Variants in BTG4 observed in about 807,000 individuals in gnomAD.
The protein encoded by BTG4 is protein BTG4.
In BTG4, 10 loss-of-function variants were observed where a neutral mutation model predicts 19.3. The ratio of observed to expected loss-of-function variants is 0.52; its 90% CI spans 0.32 to 0.88. The LOEUF (loss-of-function observed/expected upper bound fraction) is 0.88, where lower values mean the gene tolerates loss of function less well. BTG4 is among the 40% of genes least tolerant of loss of function. The probability of loss-of-function intolerance (pLI) is 0.04; values close to 1 mark genes in which losing one functional copy is unlikely to be tolerated. For missense variants in BTG4, 238 were observed against 281.9 expected, an observed-to-expected ratio of 0.84 and a Z score of 1.11; for synonymous variants, 91 against 95.7, an observed-to-expected ratio of 0.95 and a Z score of 0.29.
chr11:111,425,647 G>A, the BTG4 span, among the ~76,000 whole-genome samples: 1 of 152,142 alleles, frequency 6.6e-6, no homozygotes, highest in African/African-American at 2.4e-5. Flanking sequence ...CAGAGCAGTA[G>A]GTAGGAAGAA....
At chr11:111,459,801 G>A in the BTG4 span, 1 of 152,686 alleles carries the variant, frequency 6.5e-6, no homozygotes, top group Non-Finnish European at 1.5e-5. Context: ...AGGTAGGAGA[G>A]AACTTTGGAC....
rs182477208 is a variant in BTG4, at chr11:111,497,433, T to G, written c.312-24A>C. On this transcript the variant is annotated intron_variant, in intron 3 of 4. Coordinates refer to ENST00000692032, the MANE Select transcript of BTG4 (RefSeq NM_001367975.1). ...ACCTAAGTAGGAAAAGAAATTTAAG[T>G]GCTAATTAGCGATTCAACTTTCTAC... The G allele has an allele frequency of 1.2e-4, 159 of 1,355,662 alleles. 1 individual carries two copies. The African/African-American group carries it at 2.1e-3, about 18-fold the overall frequency. 84.0% of individuals were successfully genotyped at this position (1,355,662 alleles called of 1,614,324 possible).
the BTG4 span, among the ~76,000 whole-genome samples, chr11:111,428,939 G>A: frequency 4.6e-5 from 7 of 152,308 alleles, no homozygotes; most frequent in African/African-American, 2.4e-5. Context: ...GCAATCACCC[G>A]TAATATTTAC....
At chr11:111,404,799 T>A in the BTG4 span, 1 of 386,496 alleles carries the variant, frequency 2.6e-6, no homozygotes, top group Non-Finnish European at 5.1e-6. Context: ...AGGAACTGAA[T>A]GGTATACAAT....
chr11:111,437,206 T>C, the BTG4 span, among the ~76,000 whole-genome samples: 1 of 152,038 alleles, frequency 6.6e-6, no homozygotes, highest in Non-Finnish European at 1.5e-5. Flanking sequence ...ATTTTTTCTT[T>C]GGCTTCCATC....
At chr11:111,436,635 G>GAAAA in the BTG4 span, among the ~76,000 whole-genome samples, 3 of 145,692 alleles carry the variant, frequency 2.1e-5, no homozygotes, top group Admixed American at 6.8e-5. Context: ...CTCAAAAAAA[G>GAAAA]AAAAAAAAAA....
chr11:111,421,405 T>G, the BTG4 span, among the ~76,000 whole-genome samples: 4 of 152,178 alleles, frequency 2.6e-5, no homozygotes, highest in African/African-American at 4.8e-5. Context: ...TCATGAGAGC[T>G]ACTTTGCTTC....
At chr11:111,414,039 T>C in the BTG4 span, among the ~76,000 whole-genome samples, 1 of 152,210 alleles carries the variant, frequency 6.6e-6, no homozygotes, top group Non-Finnish European at 1.5e-5. Context: ...GAAATGTCAG[T>C]GTAGGAGCAA....
downstream of BTG4, chr11:111,464,741 G>A (rs1203907852): frequency 4.6e-5 from 7 of 152,210 alleles, no homozygotes; most frequent in Admixed American, 2.6e-4. Context: ...ATGTGATGGG[G>A]TAACCCCTGG....
the BTG4 span, among the ~76,000 whole-genome samples, chr11:111,410,183 C>CTTT: frequency 6.7e-6 from 1 of 148,862 alleles, no homozygotes. Context: ...TTCTGAAACT[C>CTTT]TTTTTTTTTT....
the BTG4 span, among the ~76,000 whole-genome samples, chr11:111,403,397 T>C: frequency 8.1e-3 from 1,241 of 152,282 alleles, 14 homozygotes; most frequent in African/African-American, 0.028. Context: ...CTGTAATTAA[T>C]GGAGAAAGGG....
the BTG4 span, among the ~76,000 whole-genome samples, chr11:111,398,601 C>T: frequency 6.6e-6 from 1 of 151,960 alleles, no homozygotes. Context: ...CTACAGGCAC[C>T]CACCACCATG....
chr11:111,403,336 C>T, the BTG4 span, among the ~76,000 whole-genome samples: 1 of 152,208 alleles, frequency 6.6e-6, no homozygotes, highest in Non-Finnish European at 1.5e-5. Context: ...CCTCCGGGCA[C>T]TGCGTTAGGT....
upstream of BTG4, chr11:111,513,564 G>T (rs1004931609): frequency 2.1e-6 from 1 of 482,756 alleles, no homozygotes; most frequent in South Asian, 1.5e-5. Context: ...TGTGCGTGGG[G>T]AAGAGGGGTG....
downstream of BTG4, chr11:111,467,393 C>T (rs186686890): frequency 3.9e-5 from 14 of 355,878 alleles, no homozygotes; most frequent in Non-Finnish European, 6.0e-5. Context: ...TATGCAGTTA[C>T]TCTTTCCATT....
chr11:111,399,863 C>A, the BTG4 span, among the ~76,000 whole-genome samples: 1 of 152,128 alleles, frequency 6.6e-6, no homozygotes, highest in Non-Finnish European at 1.5e-5. Flanking sequence ...ACTGAGAGGT[C>A]CTTCTGCCCT....
upstream of BTG4, chr11:111,514,662 C>T: frequency 1.3e-6 from 1 of 747,572 alleles, no homozygotes; most frequent in Non-Finnish European, 2.2e-6. Context: ...GATCCCAACA[C>T]CTACCTAGGA....
At chr11:111,488,407 T>G (rs1212056271) in intron 5 of BTG4, among the ~76,000 whole-genome samples, 1 of 152,148 alleles carries the variant, frequency 6.6e-6, no homozygotes, top group Admixed American at 6.5e-5. Context: ...CACGAAAGAA[T>G]GAAACTAGAC....
In BTG4 at chr11:111,506,147, T is replaced by A. The variant is rs777468297; in HGVS notation, c.-27+6034A>T. Among the ~76,000 whole-genome samples the A allele has an allele frequency of 1.4e-4, 21 of 152,078 alleles. 1 individual carries two copies. Among genetic ancestry groups the A allele is most frequent in the Non-Finnish European group, 2.4e-4 (16 of 67,968 alleles). On this transcript the variant is annotated intron_variant, in intron 1 of 4. Transcript: ENST00000692032. Reference sequence around the variant, plus strand: ...GGGTATCTACCCAAAGGAAAAGAAATCATTATATCAAAAAGATACTTGTAC... The same window carrying A: ...GGGTATCTACCCAAAGGAAAAGAAAACATTATATCAAAAAGATACTTGTAC...
Sources: gnomAD v4.1 joint callset for allele counts (sites outside exome capture counted in the v4.1 genomes callset) on GRCh38, gnomAD v4.1.1 for gene constraint, MANE v1.5 for transcripts, NCBI Gene and HGNC (gene_info 2026-07-23, HGNC 2026-07-21) for gene names.